Variants in DNAH7 observed in about 807,000 individuals in gnomAD.
The protein encoded by DNAH7 is dynein axonemal heavy chain 7.
DNAH7 carries 397 observed loss-of-function variants against 444.6 expected under a neutral mutation model. The observed-to-expected ratio is 0.89, with a 90% CI of 0.82 to 0.97. The LOEUF is 0.97. DNAH7 is among the 50% of genes least tolerant of loss of function. DNAH7 has a pLI of 0.00. For synonymous variants in DNAH7, 1,636 were observed against 1,624.4 expected, an observed-to-expected ratio of 1.01 and a Z score of -0.17; for missense variants, 4,902 against 4,800.8, an observed-to-expected ratio of 1.02 and a Z score of -0.62.
chr2:195,979,935 G>A (rs1692452183), intron 15 of DNAH7, among the ~76,000 whole-genome samples: 1 of 151,648 alleles, frequency 6.6e-6, no homozygotes, highest in Non-Finnish European at 1.5e-5. Context: ...AACCTTAACA[G>A]ACCAACGGGT....
intron 58 of DNAH7, among the ~76,000 whole-genome samples, chr2:195,783,245 C>T (rs989709983): frequency 2.6e-5 from 4 of 152,172 alleles, no homozygotes; most frequent in East Asian, 3.8e-4. Flanking sequence ...CAAATGATTT[C>T]GTTTAGACTC....
rs574461911 is a variant in DNAH7, at chr2:196,009,007, T to C, written c.989+3780A>G. 4.3e-4 allele frequency among the ~76,000 whole-genome samples: 65 copies of C among 152,266 alleles called. 1 individual carries two copies. The highest frequency in any genetic ancestry group is 1.4e-3 in the African/African-American group (58 of 41,554). Reference sequence around the variant, plus strand: ...AGGTGAAGGGGGAGCAGCCATGTCATGGCCAGAGCGAGTGCAAGAGAGCAA... The same window carrying C: ...AGGTGAAGGGGGAGCAGCCATGTCACGGCCAGAGCGAGTGCAAGAGAGCAA... On this transcript the variant is annotated intron_variant, in intron 10 of 64. Coordinates refer to ENST00000312428, the MANE Select transcript of DNAH7 (RefSeq NM_018897.3).
At chr2:195,955,378 G>A (rs568093706) in intron 19 of DNAH7, among the ~76,000 whole-genome samples, 7 of 152,188 alleles carry the variant, frequency 4.6e-5, no homozygotes, top group Admixed American at 2.6e-4. Context: ...TGTTCCATTG[G>A]TCTATATCTC....
intron 2 of DNAH7, among the ~76,000 whole-genome samples, chr2:196,052,424 T>C (rs538091255): frequency 1.6e-4 from 24 of 152,354 alleles, no homozygotes; most frequent in African/African-American, 5.5e-4. Flanking sequence ...GTTTAAAATA[T>C]GTACTAGATG....
chr2:195,796,521 A>G (rs1696148598), intron 56 of DNAH7, 55 bp downstream of exon 56: 3 of 1,588,568 alleles, frequency 1.9e-6, no homozygotes, highest in Non-Finnish European at 1.7e-6. Flanking sequence ...TGTTATGTAT[A>G]TTACTAATTA....
intron 59 of DNAH7, 56 bp downstream of exon 59, chr2:195,777,744 C>T (rs533244708): frequency 6.5e-7 from 1 of 1,527,022 alleles, no homozygotes; most frequent in Admixed American, 1.9e-5. Flanking sequence ...AATATCATCA[C>T]TACCAAAATA....
intron 25 of DNAH7, among the ~76,000 whole-genome samples, chr2:195,907,985 C>G (rs905136346): frequency 2.6e-5 from 4 of 151,922 alleles, no homozygotes; most frequent in Non-Finnish European, 5.9e-5. Context: ...TAATAAAAAT[C>G]ATGTCTAATT....
intron 51 of DNAH7, among the ~76,000 whole-genome samples, chr2:195,815,383 T>A (rs1697173776): frequency 6.6e-6 from 1 of 152,166 alleles, no homozygotes; most frequent in Non-Finnish European, 1.5e-5. Flanking sequence ...AGTGTCGGAC[T>A]CACACCTTTA....
chr2:195,849,116 T>C (rs1699192457), intron 46 of DNAH7, among the ~76,000 whole-genome samples: 1 of 152,232 alleles, frequency 6.6e-6, no homozygotes, highest in Non-Finnish European at 1.5e-5. Flanking sequence ...ATCTTTTTCA[T>C]ATTTTATCCA....
intron 12 of DNAH7, among the ~76,000 whole-genome samples, chr2:196,000,479 T>C (rs940680000): frequency 1.3e-5 from 2 of 152,268 alleles, no homozygotes; most frequent in East Asian, 3.9e-4. Context: ...TTTAATTCCT[T>C]CTCCTCAGAA....
At chr2:195,755,614 C>T (rs1192045612) in intron 62 of DNAH7, among the ~76,000 whole-genome samples, 3 of 152,198 alleles carry the variant, frequency 2.0e-5, no homozygotes, top group Admixed American at 6.5e-5. Context: ...GCTTTTGACA[C>T]ATTATATACA....
intron 1 of DNAH7, chr2:196,068,315 C>T (rs75233302): frequency 0.01 from 3,007 of 296,148 alleles, 64 homozygotes; most frequent in East Asian, 0.06. Context: ...GAGATTTGTC[C>T]AAAGTCACAT....
intron 24 of DNAH7, among the ~76,000 whole-genome samples, chr2:195,921,826 GA>G (rs1448984518): frequency 6.6e-6 from 1 of 152,106 alleles, no homozygotes; most frequent in Non-Finnish European, 1.5e-5. Flanking sequence ...GAAAAAGTCA[GA>G]AAGTTTCAGG....
At chr2:195,987,921 T>TAG in intron 13 of DNAH7, 36 bp downstream of exon 13, 1 of 1,539,662 alleles carries the variant, frequency 6.5e-7, no homozygotes, top group East Asian at 2.3e-5. Flanking sequence ...AGATACCAGA[T>TAG]AGAGATAACA....
At chr2:195,964,339 A>G (rs1006613703) in intron 17 of DNAH7, among the ~76,000 whole-genome samples, 3 of 152,034 alleles carry the variant, frequency 2.0e-5, no homozygotes, top group Admixed American at 2.0e-4. Flanking sequence ...TATACTTTTC[A>G]TTGTAGAGAT....
intron 17 of DNAH7, among the ~76,000 whole-genome samples, chr2:195,964,424 AT>A (rs572835551): frequency 2.1e-3 from 316 of 148,438 alleles, no homozygotes; most frequent in African/African-American, 7.4e-3. Context: ...GATTACTTTT[AT>A]TTCTTTTTCA....
At chr2:195,886,008 C>T in intron 34 of DNAH7, 133 bp downstream of exon 34, 1 of 1,074,580 alleles carries the variant, frequency 9.3e-7, no homozygotes, top group Non-Finnish European at 1.3e-6. Flanking sequence ...GCTCTTTGCT[C>T]ATTCTTCAGC....
intron 51 of DNAH7, among the ~76,000 whole-genome samples, chr2:195,811,917 A>T (rs1170923835): frequency 6.6e-6 from 1 of 152,164 alleles, no homozygotes; most frequent in Non-Finnish European, 1.5e-5. Context: ...GGGCGAAGCT[A>T]ACTTTGGAAG....
chr2:195,961,394 C>T (rs887531941), intron 17 of DNAH7, among the ~76,000 whole-genome samples: 2 of 147,800 alleles, frequency 1.4e-5, no homozygotes, highest in Non-Finnish European at 2.9e-5. Flanking sequence ...CCCCAATCCC[C>T]ACTACCCACC....
Sources: gnomAD v4.1 joint callset for allele counts (sites outside exome capture counted in the v4.1 genomes callset) on GRCh38, gnomAD v4.1.1 for gene constraint, MANE v1.5 for transcripts, NCBI Gene and HGNC (gene_info 2026-07-23, HGNC 2026-07-21) for gene names.